Variants in CNTN5 observed in about 807,000 individuals in gnomAD.
The protein encoded by CNTN5 is contactin-5.
A neutral mutation model predicts 129.1 loss-of-function variants in CNTN5; 77 were observed. The ratio of observed to expected loss-of-function variants is 0.60; its 90% CI spans 0.50 to 0.72. The LOEUF is 0.72. Ranked by LOEUF, CNTN5 falls within the 30% of genes least tolerant of loss-of-function variation. The pLI is 0.00. For missense variants in CNTN5, 1,478 were observed against 1,328.8 expected (o/e 1.11, Z -1.75); for synonymous variants, 509 against 465.6 (o/e 1.09, Z -1.20).
intron 2 of CNTN5, among the ~76,000 whole-genome samples, chr11:99,463,772 A>G (rs1235793397): frequency 1.0e-4 from 1 of 9,828 alleles, no homozygotes; most frequent in Admixed American, 1.4e-3. Context: ...CTGATACTAC[A>G]AATTAATTAA....
intron 1 of CNTN5, among the ~76,000 whole-genome samples, chr11:99,046,924 C>T (rs1014731279): frequency 2.6e-5 from 4 of 151,928 alleles, no homozygotes; most frequent in African/African-American, 9.7e-5. Context: ...TATTTTATCT[C>T]AGAAATGATT....
At chr11:100,216,672 A>C (rs1004740072) in intron 15 of CNTN5, among the ~76,000 whole-genome samples, 3 of 152,240 alleles carry the variant, frequency 2.0e-5, no homozygotes, top group Middle Eastern at 3.4e-3. Context: ...CATTTCATAG[A>C]GCTATGCAGC....
intron 1 of CNTN5, among the ~76,000 whole-genome samples, chr11:99,234,064 G>T (rs528859263): frequency 6.6e-6 from 1 of 152,312 alleles, no homozygotes; most frequent in East Asian, 1.9e-4. Flanking sequence ...AAAGAGAATT[G>T]CATTGCAAAT....
chr11:99,424,437 G>T (rs1943031554), intron 2 of CNTN5, among the ~76,000 whole-genome samples: 1 of 152,258 alleles, frequency 6.6e-6, no homozygotes, highest in African/African-American at 2.4e-5. Context: ...CGCCTGCGAA[G>T]GGTGAGCCAG....
At position 100,196,469 on chromosome 11, in the gene CNTN5, T is replaced by A. The variant is rs993532660; in HGVS notation, c.1884+2806T>A. 3.3e-5 allele frequency among the ~76,000 whole-genome samples: 5 copies of A among 152,086 alleles called. No individual in the cohort carries two copies. The South Asian group carries it at 8.3e-4, about 25-fold the overall frequency. Reference sequence around the variant, plus strand: ...TATTTTATGTAGCCTTCATATACAATCTATATACAATGTACATTGTATACA... The same window carrying A: ...TATTTTATGTAGCCTTCATATACAAACTATATACAATGTACATTGTATACA... On this transcript the variant is annotated intron_variant, in intron 15 of 24. Transcript: ENST00000524871.
chr11:99,183,431 T>A (rs1858182174), intron 1 of CNTN5, among the ~76,000 whole-genome samples: 2 of 152,146 alleles, frequency 1.3e-5, no homozygotes, highest in South Asian at 4.1e-4. Flanking sequence ...TGCTGCTGAG[T>A]CAGATGACTC....
chr11:99,817,595 A>AGTTT (rs1232272917), intron 3 of CNTN5, among the ~76,000 whole-genome samples: 27 of 73,854 alleles, frequency 3.7e-4, no homozygotes, highest in African/African-American at 1.3e-3. Context: ...AGTCTGGGAT[A>AGTTT]GTTTTTTTTT....
intron 2 of CNTN5, among the ~76,000 whole-genome samples, chr11:99,347,028 A>G (rs966209081): frequency 6.6e-6 from 1 of 152,214 alleles, no homozygotes; most frequent in Non-Finnish European, 1.5e-5. Context: ...ATGAGACACT[A>G]TGTTGTTTTG....
intron 8 of CNTN5, among the ~76,000 whole-genome samples, chr11:99,981,919 C>G (rs911953136): frequency 6.6e-6 from 1 of 152,094 alleles, no homozygotes; most frequent in Non-Finnish European, 1.5e-5. Context: ...TAAATTATCT[C>G]ATTAGAGAAA....
intron 18 of CNTN5, among the ~76,000 whole-genome samples, chr11:100,280,147 T>A (rs781006837): frequency 6.6e-5 from 10 of 151,924 alleles, no homozygotes; most frequent in Non-Finnish European, 1.3e-4. Flanking sequence ...AGGAAAAGAA[T>A]GTGTATTCAG....
intron 1 of CNTN5, among the ~76,000 whole-genome samples, chr11:99,241,633 T>G (rs980474123): frequency 7.2e-5 from 11 of 152,094 alleles, no homozygotes; most frequent in African/African-American, 2.7e-4. Context: ...GTTTTTAAAA[T>G]CAGTTTTCAT....
At chr11:99,723,974 G>A (rs997867609) in intron 3 of CNTN5, among the ~76,000 whole-genome samples, 2 of 152,154 alleles carry the variant, frequency 1.3e-5, no homozygotes, top group Non-Finnish European at 2.9e-5. Flanking sequence ...ACCAAATTAA[G>A]TTTAAACTAT....
intron 1 of CNTN5, among the ~76,000 whole-genome samples, chr11:99,208,979 C>T (rs1358473147): frequency 6.6e-6 from 1 of 151,756 alleles, no homozygotes. Flanking sequence ...GAATAGAGGC[C>T]TATTTAATAT....
At chr11:99,725,758 T>G (rs1042717015) in intron 3 of CNTN5, among the ~76,000 whole-genome samples, 1 of 152,120 alleles carries the variant, frequency 6.6e-6, no homozygotes, top group Non-Finnish European at 1.5e-5. Context: ...TCCTTTCAGG[T>G]CATTAGTTGT....
intron 6 of CNTN5, among the ~76,000 whole-genome samples, chr11:99,913,459 AT>A (rs1949712606): frequency 6.6e-6 from 1 of 151,626 alleles, no homozygotes; most frequent in Non-Finnish European, 1.5e-5. Context: ...GAAAAAAAAA[AT>A]CTACTCACAA....
intron 6 of CNTN5, among the ~76,000 whole-genome samples, chr11:99,860,211 C>G (rs1177428743): frequency 1.3e-5 from 2 of 151,722 alleles, no homozygotes; most frequent in African/African-American, 2.4e-5. Flanking sequence ...GAATATTAGG[C>G]CTTTGTCTGA....
intron 6 of CNTN5, among the ~76,000 whole-genome samples, chr11:99,905,482 G>T (rs116783852): frequency 0.12 from 18,791 of 152,086 alleles, 1,504 homozygotes; most frequent in Middle Eastern, 0.19. Context: ...GGCCTCTGTT[G>T]TGTTCCACTG....
intron 3 of CNTN5, among the ~76,000 whole-genome samples, chr11:99,799,444 G>A (rs1315564661): frequency 2.0e-5 from 3 of 151,868 alleles, no homozygotes; most frequent in African/African-American, 7.2e-5. Context: ...GTTTCTGAGA[G>A]TTTTTATCAT....
Position 100,087,995 on chromosome 11 carries a change from G to T in CNTN5, c.1580+13701G>T, listed in dbSNP as rs115127980. 5.8e-3 allele frequency among the ~76,000 whole-genome samples: 874 copies of T among 151,744 alleles called. 4 individuals carry two copies. The highest frequency in any genetic ancestry group is 0.02 in the African/African-American group (842 of 41,424). On this transcript the variant is annotated intron_variant, in intron 13 of 24. Transcript: ENST00000524871. ...CAATTACATGGAAATTTAACAACTT[G>T]CTCCTGAATGACTTTTGAGTAAAAC... is the stretch of plus-strand genomic sequence containing the variant.
Sources: gnomAD v4.1 joint callset for allele counts (sites outside exome capture counted in the v4.1 genomes callset) on GRCh38, gnomAD v4.1.1 for gene constraint, MANE v1.5 for transcripts, NCBI Gene and HGNC (gene_info 2026-07-23, HGNC 2026-07-21) for gene names.